CDK6: variants seen among roughly 807,000 people sequenced by gnomAD.
The protein encoded by CDK6 is cyclin dependent kinase 6.
In CDK6, 6 loss-of-function variants were observed where a neutral mutation model predicts 37.1. That is an observed-to-expected ratio of 0.16 (90% CI 0.09 to 0.32). CDK6 has a LOEUF of 0.32. Among genes scored for constraint, CDK6 ranks in the 10% least tolerant of loss-of-function variants. CDK6 has a pLI of 1.00. For missense variants in CDK6, 224 were observed against 418.9 expected (o/e 0.53, Z 4.06); for synonymous variants, 160 against 161.3 (o/e 0.99, Z 0.06).
chr7:92,794,817 T>G (rs919334851), intron 2 of CDK6, among the ~76,000 whole-genome samples: 29 of 152,122 alleles, frequency 1.9e-4, no homozygotes, highest in African/African-American at 7.0e-4. Context: ...GGAAGAAGCC[T>G]GAACCAAGTC....
At chr7:92,813,763 G>A (rs1446588974) in intron 2 of CDK6, among the ~76,000 whole-genome samples, 1 of 152,078 alleles carries the variant, frequency 6.6e-6, no homozygotes, top group Non-Finnish European at 1.5e-5. Context: ...GGGAGGGGAG[G>A]AACATGGGGG....
intron 4 of CDK6, among the ~76,000 whole-genome samples, chr7:92,673,352 C>T (rs576579886): frequency 6.6e-6 from 1 of 152,018 alleles, no homozygotes; most frequent in Non-Finnish European, 1.5e-5. Flanking sequence ...TGACAGGTTC[C>T]CCCTCTATAT....
At chr7:92,625,978 T>A (rs989258109) in intron 5 of CDK6, among the ~76,000 whole-genome samples, 3 of 152,080 alleles carry the variant, frequency 2.0e-5, no homozygotes, top group African/African-American at 7.2e-5. Context: ...CATAAAGTGA[T>A]CTTTCAAAAA....
intron 3 of CDK6, among the ~76,000 whole-genome samples, chr7:92,758,924 T>G (rs1420923841): frequency 1.3e-5 from 2 of 152,190 alleles, no homozygotes; most frequent in East Asian, 3.8e-4. Context: ...GCCTTCCTGA[T>G]TTGGCTCTTG....
rs866584035 is a variant in CDK6, at chr7:92,834,559, C to T, written c.-367-869G>A. On this transcript the variant is annotated intron_variant, in intron 1 of 7. Transcript: ENST00000424848. The surrounding 1 kb of genome is among the most constrained non-coding windows in gnomAD (Gnocchi z 4.6). ...GGGTGGGAGAAAGGGGTGTTCGCCA[C>T]AATTTCGCTTGTCGTCTCCTTAAAG... Among the ~76,000 whole-genome samples the T allele has an allele frequency of 6.6e-6, 1 of 151,958 alleles. No individual in the cohort carries two copies. Among genetic ancestry groups the T allele is most frequent in the Middle Eastern group, 3.4e-3 (1 of 294 alleles).
chr7:92,632,795 A>G (rs1315020559), intron 5 of CDK6, among the ~76,000 whole-genome samples: 2 of 136,080 alleles, frequency 1.5e-5, no homozygotes, highest in African/African-American at 3.8e-5. Context: ...AAAGTAACAG[A>G]TTATCTTGAT....
chr7:92,712,994 GACTACA>G (rs1798136792), intron 4 of CDK6, among the ~76,000 whole-genome samples: 2 of 152,060 alleles, frequency 1.3e-5, no homozygotes, highest in Admixed American at 1.3e-4. Context: ...CTGTAGCTGG[GACTACA>G]GGAATGCGCC....
intron 5 of CDK6, among the ~76,000 whole-genome samples, chr7:92,648,437 T>C (rs556918161): frequency 6.6e-6 from 1 of 152,318 alleles, no homozygotes; most frequent in South Asian, 2.1e-4. Flanking sequence ...CTGAAGTATA[T>C]AAAATCAACA....
chr7:92,632,281 T>C (rs1001507390), intron 5 of CDK6, among the ~76,000 whole-genome samples: 3 of 152,116 alleles, frequency 2.0e-5, no homozygotes, highest in African/African-American at 4.8e-5. Context: ...TTTTCTGAAA[T>C]GGAAGTGTCT....
At chr7:92,656,141 G>A (rs1796693508) in intron 5 of CDK6, among the ~76,000 whole-genome samples, 2 of 152,124 alleles carry the variant, frequency 1.3e-5, no homozygotes, top group Admixed American at 6.5e-5. Flanking sequence ...GAACAGGAGC[G>A]TGGAGGGAGG....
In CDK6 at chr7:92,835,111, C is replaced by G. The variant is rs1801619254; in HGVS notation, c.-368+1367G>C. On this transcript the variant is annotated intron_variant, in intron 1 of 7. Coordinates refer to ENST00000424848, the MANE Select transcript of CDK6 (RefSeq NM_001145306.2). The surrounding 1 kb of genome is among the most constrained non-coding windows in gnomAD (Gnocchi z 4.2). The stretch of plus-strand genomic sequence containing the variant: ...CCCCACGATGAGCGGGTGGAGCGGA[C>G]CGCGGCGAGAGCAGAGCTTCTGGCA... The G allele has an allele frequency of 6.6e-6, 1 of 152,190 alleles. No homozygotes were observed. The highest frequency in any genetic ancestry group is 1.5e-5 in the Non-Finnish European group (1 of 68,054). 9.4% of individuals were successfully genotyped at this position (152,190 alleles called of 1,614,324 possible).
chr7:92,625,545 A>AC (rs1795908520), intron 5 of CDK6, among the ~76,000 whole-genome samples: 2 of 148,334 alleles, frequency 1.3e-5, no homozygotes, highest in Non-Finnish European at 2.9e-5. Context: ...AAAAAAACAA[A>AC]ACAAAACAAA....
Position 92,833,043 on chromosome 7 carries a change from C to CCG in CDK6, c.233+46_233+47dup, listed in dbSNP as rs1018469586. 3 of 1,390,384 alleles carry CCG rather than the reference C, an allele frequency of 2.2e-6. No homozygotes were observed. The highest frequency in any genetic ancestry group is 2.9e-6 in the Non-Finnish European group (3 of 1,022,928). 86.1% of individuals were successfully genotyped at this position (1,390,384 alleles called of 1,614,324 possible). On this transcript the variant is annotated intron_variant, in intron 2 of 7. Transcript: ENST00000424848. This position sits in a 1 kb window ranked among gnomAD's most constrained non-coding sequence, Gnocchi z 6.1. ...CTGAGGATTCCCGGCTCGGCCCTCC[C>CCG]CGCGCGCGCGAGGCCCCAGATGGCG... is the stretch of plus-strand genomic sequence containing the variant.
chr7:92,799,687 G>C (rs547343289), intron 2 of CDK6, among the ~76,000 whole-genome samples: 1 of 152,162 alleles, frequency 6.6e-6, no homozygotes, highest in African/African-American at 2.4e-5. Flanking sequence ...CTAGTCATGT[G>C]CTCAGTAACC....
At chr7:92,787,143 C>A (rs926835249) in intron 2 of CDK6, among the ~76,000 whole-genome samples, 4 of 148,048 alleles carry the variant, frequency 2.7e-5, no homozygotes, top group Non-Finnish European at 5.9e-5. Flanking sequence ...GGTTGTGCCA[C>A]CACACTCCAA....
intron 3 of CDK6, among the ~76,000 whole-genome samples, chr7:92,751,937 T>TAAA (rs1799200065): frequency 6.6e-6 from 1 of 152,188 alleles, no homozygotes. Flanking sequence ...CTAAAACATT[T>TAAA]ATGTTAAGTA....
At chr7:92,774,337 G>C (rs1439704654) in intron 3 of CDK6, among the ~76,000 whole-genome samples, 1 of 152,094 alleles carries the variant, frequency 6.6e-6, no homozygotes, top group Non-Finnish European at 1.5e-5. Flanking sequence ...GTCTCTCATA[G>C]ACAATAAACC....
At chr7:92,643,607 C>A (rs889711236) in intron 5 of CDK6, among the ~76,000 whole-genome samples, 1 of 152,154 alleles carries the variant, frequency 6.6e-6, no homozygotes, top group Non-Finnish European at 1.5e-5. Flanking sequence ...AGGAGGCAGG[C>A]CTGCTGAGGT....
intron 4 of CDK6, among the ~76,000 whole-genome samples, chr7:92,712,288 C>T (rs1798113622): frequency 6.6e-6 from 1 of 152,080 alleles, no homozygotes; most frequent in East Asian, 1.9e-4. Flanking sequence ...ATAAATGGGG[C>T]TATTTCTCTC....
Sources: allele counts gnomAD v4.1 joint callset (sites outside exome capture counted in the v4.1 genomes callset), GRCh38; gene constraint gnomAD v4.1.1; non-coding constraint Gnocchi (gnomAD v3.1); transcripts MANE v1.5; gene names NCBI Gene and HGNC (gene_info 2026-07-23, HGNC 2026-07-21).